Variants in RBFOX1 observed in about 807,000 individuals in gnomAD.
The protein encoded by RBFOX1 is RNA binding protein fox-1 homolog 1.
RBFOX1 carries 8 observed loss-of-function variants against 57.7 expected under a neutral mutation model. The observed-to-expected ratio is 0.14, with a 90% confidence interval of 0.08 to 0.25. The LOEUF (loss-of-function observed/expected upper bound fraction) is 0.25. Among genes scored for constraint, RBFOX1 ranks in the 10% least tolerant of loss-of-function variants. The probability of loss-of-function intolerance (pLI) is 1.00; values close to 1 mark genes in which losing one functional copy is unlikely to be tolerated. For missense variants in RBFOX1, 611 were observed against 548.5 expected, an observed-to-expected ratio of 1.11 and a Z score of -1.14; for synonymous variants, 326 against 222.4, an observed-to-expected ratio of 1.47 and a Z score of -4.15.
At chr16:6,302,258 C>T (rs1013130623) in intron 1 of RBFOX1, among the ~76,000 whole-genome samples, 5 of 151,878 alleles carry the variant, frequency 3.3e-5, no homozygotes, top group Non-Finnish European at 7.4e-5. Flanking sequence ...GATCTCACTC[C>T]AGTTTTATGA....
intron 2 of RBFOX1, among the ~76,000 whole-genome samples, chr16:6,388,277 A>G (rs1052613630): frequency 6.6e-6 from 1 of 151,856 alleles, no homozygotes; most frequent in Admixed American, 6.6e-5. Flanking sequence ...TGTCTGTGGA[A>G]TTTTTAAAAT....
At chr16:5,668,455 C>T (rs2049917362) in intron 3 of RBFOX1, among the ~76,000 whole-genome samples, 1 of 152,138 alleles carries the variant, frequency 6.6e-6, no homozygotes, top group Non-Finnish European at 1.5e-5. Context: ...CACTGGTAGC[C>T]AAAATCATCA....
chr16:5,790,455 A>G (rs541869204), intron 3 of RBFOX1, among the ~76,000 whole-genome samples: 3 of 152,122 alleles, frequency 2.0e-5, no homozygotes, highest in Non-Finnish European at 4.4e-5. Context: ...GCTCAAAGGA[A>G]GAAAAAATTG....
At chr16:5,375,715 A>G (rs984724276) in intron 1 of RBFOX1, among the ~76,000 whole-genome samples, 4 of 152,206 alleles carry the variant, frequency 2.6e-5, no homozygotes, top group African/African-American at 9.6e-5. Flanking sequence ...CAGAGAACCA[A>G]ATGGGAAACA....
intron 3 of RBFOX1, among the ~76,000 whole-genome samples, chr16:5,796,011 G>A (rs1406330240): frequency 2.0e-5 from 3 of 152,224 alleles, no homozygotes; most frequent in Non-Finnish European, 4.4e-5. Context: ...GCATAGGGCT[G>A]TGCAATGCAT....
intron 1 of RBFOX1, among the ~76,000 whole-genome samples, chr16:5,241,294 C>T (rs1489978569): frequency 6.6e-6 from 1 of 152,204 alleles, no homozygotes; most frequent in Non-Finnish European, 1.5e-5. Flanking sequence ...TGAATTTTCT[C>T]TGAGATTCTG....
At chr16:6,642,123 A>T (rs995113683) in intron 2 of RBFOX1, among the ~76,000 whole-genome samples, 1 of 152,162 alleles carries the variant, frequency 6.6e-6, no homozygotes, top group African/African-American at 2.4e-5. Context: ...ATGAAAAGAG[A>T]CGCCAAGCCA....
intron 1 of RBFOX1, among the ~76,000 whole-genome samples, chr16:5,291,365 C>G (rs2063531389): frequency 6.6e-6 from 1 of 150,624 alleles, no homozygotes; most frequent in Admixed American, 6.6e-5. Flanking sequence ...CGGGTTCACG[C>G]CATTCTCCTG....
chr16:5,710,856 G>T (rs1243984978), intron 3 of RBFOX1, among the ~76,000 whole-genome samples: 2 of 152,196 alleles, frequency 1.3e-5, no homozygotes, highest in Admixed American at 6.5e-5. Flanking sequence ...TGCAAGACCT[G>T]GGGGAGCCAG....
At chr16:7,607,671 C>G (rs1547539) in intron 10 of RBFOX1, among the ~76,000 whole-genome samples, 71,679 of 152,020 alleles carry the variant, frequency 0.47, 18,729 homozygotes, top group African/African-American at 0.7. Flanking sequence ...TTCAATGTGC[C>G]TGAATGTGTG....
At chr16:7,312,634 G>A (rs1347152061) in intron 4 of RBFOX1, among the ~76,000 whole-genome samples, 2 of 152,084 alleles carry the variant, frequency 1.3e-5, no homozygotes, top group Non-Finnish European at 2.9e-5. Flanking sequence ...TTGTGTCACT[G>A]GATTGTAATA....
At chr16:6,834,496 G>A (rs2092943142) in intron 3 of RBFOX1, among the ~76,000 whole-genome samples, 1 of 128,984 alleles carries the variant, frequency 7.8e-6, no homozygotes, top group African/African-American at 3.3e-5. Context: ...CTCAGTAACT[G>A]TTTATTGATG....
At chr16:6,559,237 G>A (rs1317074525) in intron 2 of RBFOX1, among the ~76,000 whole-genome samples, 1 of 151,848 alleles carries the variant, frequency 6.6e-6, no homozygotes, top group Non-Finnish European at 1.5e-5. Context: ...GATAAGTTGT[G>A]CCTTATAACC....
chr16:5,955,118 T>TAAAAAAAAAAAAAAAAAAAAAA (rs34488881), intron 4 of RBFOX1, among the ~76,000 whole-genome samples: 2 of 14,290 alleles, frequency 1.4e-4, no homozygotes, highest in Non-Finnish European at 2.2e-4. Flanking sequence ...CCATCTCTAC[T>TAAAAAAAAAAAAAAAAAAAAAA]AAAAAAAAAA....
chr16:7,271,113 T>C (rs1365660931), intron 4 of RBFOX1, among the ~76,000 whole-genome samples: 10 of 152,170 alleles, frequency 6.6e-5, no homozygotes, highest in African/African-American at 2.4e-4. Flanking sequence ...ATTGTGCACA[T>C]TTTTGAAGGA....
intron 3 of RBFOX1, among the ~76,000 whole-genome samples, chr16:5,815,064 G>A (rs2151789764): frequency 6.6e-6 from 1 of 151,588 alleles, no homozygotes; most frequent in African/African-American, 2.4e-5. Flanking sequence ...GCTCACCGCA[G>A]CCCCAACCTC....
intron 3 of RBFOX1, among the ~76,000 whole-genome samples, chr16:7,043,281 C>T (rs1364591828): frequency 6.6e-6 from 1 of 152,194 alleles, no homozygotes; most frequent in Non-Finnish European, 1.5e-5. Flanking sequence ...TTTTCTATCA[C>T]ATACGACCCT....
chr16:7,074,183 C>A (rs931506175), intron 4 of RBFOX1, among the ~76,000 whole-genome samples: 2 of 152,014 alleles, frequency 1.3e-5, no homozygotes, highest in African/African-American at 4.8e-5. Flanking sequence ...ACAAGATGAC[C>A]CAAATGTTAG....
intron 1 of RBFOX1, among the ~76,000 whole-genome samples, chr16:5,389,995 G>C (rs541469642): frequency 6.6e-6 from 1 of 151,968 alleles, no homozygotes; most frequent in Non-Finnish European, 1.5e-5. Flanking sequence ...CACCATGCCC[G>C]GCCTGCTTTT....
Sources: allele counts gnomAD v4.1 joint callset (sites outside exome capture counted in the v4.1 genomes callset), GRCh38; gene constraint gnomAD v4.1.1; transcripts MANE v1.5; gene names NCBI Gene and HGNC (gene_info 2026-07-23, HGNC 2026-07-21).